Variants in PTPRM observed in about 807,000 individuals in gnomAD.
PTPRM encodes receptor-type tyrosine-protein phosphatase mu.
PTPRM carries 47 observed loss-of-function variants against 186.7 expected under a neutral mutation model. The ratio of observed to expected loss-of-function variants is 0.25; its 90% CI spans 0.20 to 0.32. PTPRM has a LOEUF of 0.32. Ranked by LOEUF, PTPRM falls within the 10% of genes least tolerant of loss-of-function variation. The pLI is 1.00. For missense variants in PTPRM, 1,494 were observed against 1,865.0 expected (o/e 0.80, Z 3.66); for synonymous variants, 668 against 674.9 (o/e 0.99, Z 0.16).
chr18:7,646,323 G>T (rs959976973), intron 1 of PTPRM, among the ~76,000 whole-genome samples: 1 of 152,170 alleles, frequency 6.6e-6, no homozygotes, highest in Non-Finnish European at 1.5e-5. Flanking sequence ...CCCAGGTCCA[G>T]CCTTTGGGCA....
At chr18:7,788,326 T>C (rs1041583674) in intron 2 of PTPRM, among the ~76,000 whole-genome samples, 1 of 152,192 alleles carries the variant, frequency 6.6e-6, no homozygotes, top group African/African-American at 2.4e-5. Flanking sequence ...TTATATTGTA[T>C]GAAGCCACAT....
At chr18:7,902,597 A>G (rs953058851) in intron 3 of PTPRM, among the ~76,000 whole-genome samples, 3 of 152,202 alleles carry the variant, frequency 2.0e-5, no homozygotes, top group South Asian at 2.1e-4. Flanking sequence ...ATCTTGTTCT[A>G]TTCTTTCATC....
chr18:8,312,799 CCTT>C (rs754065768), intron 20 of PTPRM, among the ~76,000 whole-genome samples: 1 of 152,128 alleles, frequency 6.6e-6, no homozygotes, highest in Non-Finnish European at 1.5e-5. Context: ...CAGCTTTTCT[CCTT>C]CTCTGGCCCA....
chr18:7,751,391 A>T (rs1392037913), intron 1 of PTPRM: 1 of 152,136 alleles, frequency 6.6e-6, no homozygotes, highest in Non-Finnish European at 1.5e-5. Context: ...ACTTGCTTGG[A>T]TCTTCAATTC....
chr18:7,944,411 G>A (rs1389117827), intron 5 of PTPRM, among the ~76,000 whole-genome samples: 2 of 152,104 alleles, frequency 1.3e-5, no homozygotes, highest in Non-Finnish European at 2.9e-5. Flanking sequence ...ACATCAGTTG[G>A]ACTCACACCG....
chr18:8,403,165 G>A (rs941797407), intron 32 of PTPRM: 2 of 152,198 alleles, frequency 1.3e-5, no homozygotes, highest in African/African-American at 2.4e-5. Flanking sequence ...AGTCTAGAAA[G>A]CAAAGAACAA....
intron 13 of PTPRM, among the ~76,000 whole-genome samples, chr18:8,126,027 A>ATATATATATTTTTT (rs57751538): frequency 5.8e-5 from 4 of 69,538 alleles, no homozygotes; most frequent in Non-Finnish European, 1.1e-4. Context: ...ATATATATAT[A>ATATATATATTTTTT]TTTTAAATCA....
chr18:8,051,716 T>G (rs2087513820), intron 7 of PTPRM, among the ~76,000 whole-genome samples: 1 of 152,206 alleles, frequency 6.6e-6, no homozygotes, highest in Non-Finnish European at 1.5e-5. Flanking sequence ...GATATTTATC[T>G]GCTTTTGGCT....
intron 7 of PTPRM, among the ~76,000 whole-genome samples, chr18:7,985,202 CAT>C (rs2082857669): frequency 8.6e-6 from 1 of 116,088 alleles, no homozygotes; most frequent in Non-Finnish European, 1.6e-5. Context: ...TAAATATATA[CAT>C]ATAATTGTAT....
chr18:8,334,448 G>A (rs910913548), intron 22 of PTPRM, among the ~76,000 whole-genome samples: 3 of 152,116 alleles, frequency 2.0e-5, no homozygotes, highest in Non-Finnish European at 2.9e-5. Flanking sequence ...CTTAGGGCCT[G>A]CCCCCTGCCC....
intron 2 of PTPRM, among the ~76,000 whole-genome samples, chr18:7,823,290 G>A (rs973082899): frequency 6.6e-6 from 1 of 152,186 alleles, no homozygotes; most frequent in Admixed American, 6.5e-5. Context: ...CACAAGTACA[G>A]ACTAAGAAAA....
chr18:8,088,755 C>G lies in PTPRM; in HGVS notation c.1760C>G (p.Ser587Cys), dbSNP rs767944518. The G allele has an allele frequency of 6.2e-7, 1 of 1,611,318 alleles. No individual in the cohort carries two copies. Among genetic ancestry groups the G allele is most frequent in the East Asian group, 2.2e-5 (1 of 44,856 alleles). The change falls in exon 11 of 33, where the codon TCT becomes TGT. Residue 587 changes from serine (S) to cysteine (C), a missense_variant. Physicochemically the swap from Ser to Cys is moderately radical, Grantham distance 112. Around this residue, in one of 3 missense-constraint regions of PTPRM, gnomAD observed 1,107 missense variants for 1,350.2 expected, o/e 0.82. Coordinates refer to ENST00000580170, the MANE Select transcript of PTPRM (RefSeq NM_001105244.2). Reference protein sequence around the residue: ...NQFTTKISAPSMPAYELETPL... With the variant: ...NQFTTKISAPCMPAYELETPL... ...TCTACGCCTTTTTCCCCAGCACCCTCTATGCCAGCTTATGAACTTGAGACA... is the reference window on the plus strand; with the variant it reads ...TCTACGCCTTTTTCCCCAGCACCCTGTATGCCAGCTTATGAACTTGAGACA...
chr18:8,373,563 G>C (rs888229912), intron 24 of PTPRM, among the ~76,000 whole-genome samples: 1 of 152,122 alleles, frequency 6.6e-6, no homozygotes, highest in African/African-American at 2.4e-5. Context: ...CTGAATTCTC[G>C]CTACCCAGGA....
chr18:7,604,157 G>A (rs1248878062), intron 1 of PTPRM, among the ~76,000 whole-genome samples: 1 of 152,096 alleles, frequency 6.6e-6, no homozygotes, highest in Non-Finnish European at 1.5e-5. Flanking sequence ...TCTTCCTTCG[G>A]AAGACTGAAA....
intron 11 of PTPRM, among the ~76,000 whole-genome samples, chr18:8,111,476 G>GT (rs2091751323): frequency 6.6e-6 from 1 of 152,074 alleles, no homozygotes; most frequent in Admixed American, 6.5e-5. Flanking sequence ...AGCCGGGTGT[G>GT]GTGGCGGGCG....
chr18:8,345,136 A>G (rs1283317370), intron 23 of PTPRM, among the ~76,000 whole-genome samples: 1 of 152,234 alleles, frequency 6.6e-6, no homozygotes, highest in Non-Finnish European at 1.5e-5. Context: ...ATGGTACCAG[A>G]GAAGGAAATA....
rs563803358 is a variant in PTPRM at position 7,682,642 on chromosome 18, G to A, written c.74-91507G>A. Among the ~76,000 whole-genome samples, 53 of 152,294 alleles carry A rather than the reference G, an allele frequency of 3.5e-4. No homozygotes were observed. In the South Asian group the frequency reaches 6.0e-3, roughly 17 times the overall value. On this transcript the variant is annotated intron_variant, in intron 1 of 32. Transcript: ENST00000580170. ...AAAGACCCATTGTGTTGTAACCATAGGGTTGATGAAATTTATGACCTCTTT... is the reference window on the plus strand; with the variant it reads ...AAAGACCCATTGTGTTGTAACCATAAGGTTGATGAAATTTATGACCTCTTT...
At chr18:7,645,103 T>C (rs2038531269) in intron 1 of PTPRM, among the ~76,000 whole-genome samples, 1 of 152,182 alleles carries the variant, frequency 6.6e-6, no homozygotes, top group South Asian at 2.1e-4. Flanking sequence ...AAAAATAATA[T>C]GTTTTTCCCT....
intron 2 of PTPRM, among the ~76,000 whole-genome samples, chr18:7,833,265 A>AT (rs1341445550): frequency 1.3e-5 from 2 of 152,010 alleles, no homozygotes; most frequent in African/African-American, 4.8e-5. Flanking sequence ...ATATTTTTTA[A>AT]TTTTTTGGTG....
Sources: allele counts gnomAD v4.1 joint callset (sites outside exome capture counted in the v4.1 genomes callset), GRCh38; gene constraint gnomAD v4.1.1; regional missense constraint gnomAD v4.1.1; transcripts MANE v1.5; gene names NCBI Gene and HGNC (gene_info 2026-07-23, HGNC 2026-07-21).